TNFRSF21: variants seen among roughly 807,000 people sequenced by gnomAD.
TNFRSF21 encodes tumor necrosis factor receptor superfamily member 21.
Under a neutral mutation model 45.6 loss-of-function variants are expected in TNFRSF21, and 19 were observed. That is an observed-to-expected ratio of 0.42 (90% confidence interval 0.29 to 0.61). TNFRSF21 has a LOEUF of 0.61. Ranked by LOEUF, TNFRSF21 falls within the 20% of genes least tolerant of loss-of-function variation. The pLI is 0.23. For synonymous variants in TNFRSF21, 314 were observed against 335.5 expected, an observed-to-expected ratio of 0.94 and a Z score of 0.70; for missense variants, 737 against 851.5, an observed-to-expected ratio of 0.87 and a Z score of 1.67.
intron 3 of TNFRSF21, among the ~76,000 whole-genome samples, chr6:47,283,016 T>C (rs577566036): frequency 1.8e-4 from 28 of 152,324 alleles, no homozygotes; most frequent in African/African-American, 6.3e-4. Context: ...CCACGCCAAA[T>C]GGTATAAATA....
chr6:47,282,904 T>C (rs1481160689), intron 3 of TNFRSF21, among the ~76,000 whole-genome samples: 6 of 152,196 alleles, frequency 3.9e-5, no homozygotes, highest in Non-Finnish European at 8.8e-5. Flanking sequence ...TCAATTTCTA[T>C]GAGACATGAT....
At chr6:47,248,626 T>G (rs1438465081) in intron 4 of TNFRSF21, among the ~76,000 whole-genome samples, 3 of 152,182 alleles carry the variant, frequency 2.0e-5, no homozygotes, top group African/African-American at 7.2e-5. Context: ...CCTAGGAACA[T>G]GTGCTCAGGC....
chr6:47,306,608 C>G (rs1264289892), intron 1 of TNFRSF21, among the ~76,000 whole-genome samples: 1 of 152,192 alleles, frequency 6.6e-6, no homozygotes, highest in Admixed American at 6.5e-5. Flanking sequence ...TCTCTCTATA[C>G]ATATACAATT....
At chr6:47,242,466 T>C (rs1024829957) in intron 4 of TNFRSF21, among the ~76,000 whole-genome samples, 5 of 152,170 alleles carry the variant, frequency 3.3e-5, no homozygotes, top group African/African-American at 9.7e-5. Flanking sequence ...CCAAAGTCTA[T>C]AAATCCACCC....
intron 1 of TNFRSF21, among the ~76,000 whole-genome samples, chr6:47,306,237 A>G (rs1762937854): frequency 6.6e-6 from 1 of 152,270 alleles, no homozygotes; most frequent in Non-Finnish European, 1.5e-5. Context: ...AGCAGCAAGA[A>G]TACTTCCTTC....
chr6:47,290,323 G>T (rs1762707594), intron 1 of TNFRSF21, among the ~76,000 whole-genome samples: 3 of 152,112 alleles, frequency 2.0e-5, no homozygotes, highest in Non-Finnish European at 4.4e-5. Context: ...TGGGCAGTCA[G>T]ACACACCCAC....
intron 1 of TNFRSF21, among the ~76,000 whole-genome samples, chr6:47,287,440 TA>T (rs956138371): frequency 1.2e-4 from 18 of 147,156 alleles, no homozygotes; most frequent in Admixed American, 2.7e-4. Context: ...GGGAGCTAAT[TA>T]AAAAAAAAAC....
intron 4 of TNFRSF21, among the ~76,000 whole-genome samples, chr6:47,245,561 C>T (rs1041077155): frequency 5.9e-5 from 9 of 151,910 alleles, no homozygotes; most frequent in African/African-American, 1.9e-4. Flanking sequence ...ATACAGCAAG[C>T]TCAACTACTA....
chr6:47,293,792 G>A (rs975125882), intron 1 of TNFRSF21, among the ~76,000 whole-genome samples: 1 of 152,166 alleles, frequency 6.6e-6, no homozygotes, highest in African/African-American at 2.4e-5. Flanking sequence ...AACAAAGATA[G>A]GACTTTCTCT....
At chr6:47,291,246 GA>G (rs1762724295) in intron 1 of TNFRSF21, among the ~76,000 whole-genome samples, 2 of 152,216 alleles carry the variant, frequency 1.3e-5, no homozygotes, top group African/African-American at 4.8e-5. Context: ...AGTTACATCT[GA>G]AGAGTCTCCA....
intron 1 of TNFRSF21, 92 bp from the exon 2 acceptor site, chr6:47,286,687 A>G (rs1762654585): frequency 7.6e-7 from 1 of 1,322,294 alleles, no homozygotes; most frequent in South Asian, 1.5e-5. Context: ...TTCCAGCACC[A>G]CCATCATCAT....
chr6:47,279,634 C>T (rs1259801668), intron 3 of TNFRSF21, among the ~76,000 whole-genome samples: 1 of 152,104 alleles, frequency 6.6e-6, no homozygotes, highest in African/African-American at 2.4e-5. Flanking sequence ...TGGACCCTCC[C>T]CCTCCACTTA....
intron 1 of TNFRSF21, among the ~76,000 whole-genome samples, chr6:47,298,680 A>C (rs1354548625): frequency 1.3e-5 from 2 of 152,234 alleles, no homozygotes; most frequent in Non-Finnish European, 2.9e-5. Flanking sequence ...GGTATTGCCT[A>C]GGGCTGCTCT....
At chr6:47,282,855 TTTAC>T (rs892667061) in intron 3 of TNFRSF21, among the ~76,000 whole-genome samples, 5 of 152,202 alleles carry the variant, frequency 3.3e-5, no homozygotes, top group African/African-American at 1.2e-4. Flanking sequence ...TATACCATAA[TTTAC>T]TTAGTTTTTC....
Position 47,244,599 on chromosome 6 carries a change from A to G in TNFRSF21, c.1509+8657T>C, listed in dbSNP as rs546050477. Among the ~76,000 whole-genome samples, 437 of 152,214 alleles carry G rather than the reference A, an allele frequency of 2.9e-3. 3 individuals carry two copies. Among genetic ancestry groups the G allele is most frequent in the African/African-American group, 9.4e-3 (389 of 41,544 alleles). On this transcript the variant is annotated intron_variant, in intron 4 of 5. Transcript: ENST00000296861. ...ACTGTTGTGATTATAAAAACAAAAC[A>G]TTTCCCCCAAGTTTTTTTTCTAGTA...
At chr6:47,266,894 C>T (rs571900459) in intron 3 of TNFRSF21, among the ~76,000 whole-genome samples, 1 of 152,274 alleles carries the variant, frequency 6.6e-6, no homozygotes, top group East Asian at 1.9e-4. Context: ...TCACTCCACA[C>T]ATCTCCCAAT....
In TNFRSF21 at chr6:47,286,300, C is replaced by A; in HGVS notation, c.392G>T (p.Cys131Phe). ...CTGGAACATGCCAGGTGGGCAAGTGCATTCTCGGTCAGTCAAGGCAGCACA... is the reference window on the plus strand; with the variant it reads ...CTGGAACATGCCAGGTGGGCAAGTGAATTCTCGGTCAGTCAAGGCAGCACA... ...LPCAALTDRE[C>F]TCPPGMFQSN... The change falls in exon 2 of 6, where the codon TGC (cysteine) becomes TTC (phenylalanine). Residue 131 changes from cysteine to phenylalanine, a missense_variant. Physicochemically the swap from Cys to Phe is radical, Grantham distance 205. Transcript: ENST00000296861. The A allele has an allele frequency of 2.5e-6, 4 of 1,614,248 alleles. No individual in the cohort carries two copies. Among genetic ancestry groups the A allele is most frequent in the Non-Finnish European group, 3.4e-6 (4 of 1,180,050 alleles).
intron 1 of TNFRSF21, among the ~76,000 whole-genome samples, chr6:47,304,283 CAAAAAAAAACCA>C (rs1762908979): frequency 9.5e-6 from 1 of 105,096 alleles, no homozygotes; most frequent in African/African-American, 4.0e-5. Context: ...TTCGTGTCAC[CAAAAAAAAACCA>C]AAAAAAAAAA....
At chr6:47,262,435 T>G (rs1263102775) in intron 3 of TNFRSF21, among the ~76,000 whole-genome samples, 1 of 152,240 alleles carries the variant, frequency 6.6e-6, no homozygotes, top group Non-Finnish European at 1.5e-5. Context: ...GCCAGACACT[T>G]TTCTAGGTAC....
Sources: gnomAD v4.1 joint callset for allele counts (sites outside exome capture counted in the v4.1 genomes callset) on GRCh38, gnomAD v4.1.1 for gene constraint, MANE v1.5 for transcripts, NCBI Gene and HGNC (gene_info 2026-07-23, HGNC 2026-07-21) for gene names.